ARRB1: variants seen among roughly 807,000 people sequenced by gnomAD.
ARRB1 encodes the protein beta-arrestin-1.
In ARRB1, 21 loss-of-function variants were observed where a neutral mutation model predicts 56.8. The observed-to-expected ratio is 0.37, with a 90% CI of 0.26 to 0.53. The LOEUF is 0.53. Among genes scored for constraint, ARRB1 ranks in the 20% least tolerant of loss-of-function variants. The pLI, the probability that ARRB1 is intolerant of heterozygous loss-of-function variation, is 0.88. For synonymous variants in ARRB1, 210 were observed against 218.6 expected (o/e 0.96, Z 0.35); for missense variants, 424 against 553.7 (o/e 0.77, Z 2.35).
intron 1 of ARRB1, among the ~76,000 whole-genome samples, chr11:75,302,121 C>T (rs1023441886): frequency 1.3e-5 from 2 of 152,170 alleles, no homozygotes; most frequent in Admixed American, 6.5e-5. Flanking sequence ...CTGTCACATC[C>T]CTGCTCAAAT....
rs1289070106 is a variant in ARRB1, at chr11:75,351,595, C to T, written c.13G>A (p.Gly5Arg). 39 of 1,468,532 alleles carry T rather than the reference C, an allele frequency of 2.7e-5. No homozygotes were observed. Among genetic ancestry groups the T allele is most frequent in the Non-Finnish European group, 3.5e-5 (39 of 1,114,804 alleles). The allele number at this position is 1,468,532 out of a possible 1,614,324, so 91.0% of individuals were successfully genotyped here. The stretch of plus-strand genomic sequence containing the variant: ...CGGCCGCCCTGCACTCACCGGGTCC[C>T]TTTGTCGCCCATGGTCCGCGACGGT... MGDKGTRVFKKASPN... is the reference protein window; with the variant it reads MGDKRTRVFKKASPN... Residue 5 changes from glycine to arginine, a missense_variant, in exon 1 of 16, where the codon GGG becomes AGG. Gly to Arg is a moderately radical substitution (Grantham distance 125). Around this residue, in one of 3 missense-constraint regions of ARRB1, gnomAD observed 301 missense variants for 387.9 expected, o/e 0.78. Transcript: ENST00000420843.
At chr11:75,281,697 G>A (rs1946346246) in intron 6 of ARRB1, 1 of 496,792 alleles carries the variant, frequency 2.0e-6, no homozygotes, top group Non-Finnish European at 3.6e-6. Flanking sequence ...TAGGTCCTCA[G>A]AACACTTTGG....
At chr11:75,271,752 G>A (rs1161581218) in intron 12 of ARRB1, 28 bp from the exon 13 acceptor site, 1 of 1,565,674 alleles carries the variant, frequency 6.4e-7, no homozygotes, top group Admixed American at 1.9e-5. Flanking sequence ...GGCAGGAGAA[G>A]TGGTCAGGAG....
intron 1 of ARRB1, among the ~76,000 whole-genome samples, chr11:75,302,688 T>C (rs1946932188): frequency 6.6e-6 from 1 of 152,186 alleles, no homozygotes; most frequent in Non-Finnish European, 1.5e-5. Flanking sequence ...AGAATGGGGA[T>C]AATATCCACC....
At chr11:75,288,760 C>T (rs575447826) in intron 2 of ARRB1, among the ~76,000 whole-genome samples, 1 of 152,204 alleles carries the variant, frequency 6.6e-6, no homozygotes, top group East Asian at 1.9e-4. Context: ...GAACTACAGG[C>T]ATGCACCACC....
Position 75,351,327 on chromosome 11 carries a change from G to A in ARRB1, c.20+261C>T, listed in dbSNP as rs556425897. Among the ~76,000 whole-genome samples, 6 of 152,310 alleles carry A rather than the reference G, an allele frequency of 3.9e-5. No individual in the cohort carries two copies. The South Asian group carries it at 1.0e-3, about 26-fold the overall frequency. ...GCCCCCGTGCGTCTCTGCGGCTGCCGGCCAATGCTGGGTGTCAGCGAGCTG... is the reference window on the plus strand; with the variant it reads ...GCCCCCGTGCGTCTCTGCGGCTGCCAGCCAATGCTGGGTGTCAGCGAGCTG... On this transcript the variant is annotated intron_variant, in intron 1 of 15. Transcript: ENST00000420843.
intron 1 of ARRB1, among the ~76,000 whole-genome samples, chr11:75,312,633 C>T (rs1238816270): frequency 1.3e-5 from 2 of 152,042 alleles, no homozygotes; most frequent in South Asian, 2.1e-4. Flanking sequence ...TTGTTCAGGG[C>T]CTTGAGATGG....
intron 1 of ARRB1, among the ~76,000 whole-genome samples, chr11:75,338,852 G>A (rs1196577578): frequency 6.6e-6 from 1 of 152,194 alleles, no homozygotes; most frequent in Non-Finnish European, 1.5e-5. Flanking sequence ...GTTTCTCCCA[G>A]TACCCTGGGG....
At position 75,327,599 on chromosome 11, in the gene ARRB1, G is replaced by GT. The variant is rs1554982206; in HGVS notation, c.20+23988dup. 2.9e-3 allele frequency among the ~76,000 whole-genome samples: 423 copies of GT among 146,694 alleles called. 1 individual carries two copies. The highest frequency in any genetic ancestry group is 6.3e-3 in the African/African-American group (255 of 40,182). ...TTGTTTTGTTTTGTTTTTTGTTTTT[G>GT]TTTTTTTTTTTTGAGTCTTGCTCTT... On this transcript the variant is annotated intron_variant, in intron 1 of 15. Transcript: ENST00000420843.
intron 1 of ARRB1, among the ~76,000 whole-genome samples, chr11:75,312,592 A>G (rs1413957249): frequency 6.6e-6 from 1 of 152,104 alleles, no homozygotes; most frequent in African/African-American, 2.4e-5. Context: ...GTGTTGGGTC[A>G]TGTGGTAGAA....
In ARRB1 at chr11:75,268,929, T is replaced by G; in HGVS notation, c.1053A>C (p.Leu351=). 6.2e-7 allele frequency: 1 copy of G among 1,611,230 alleles called. No homozygotes were observed. The highest frequency in any genetic ancestry group is 8.5e-7 in the Non-Finnish European group (1 of 1,179,296). The stretch of plus-strand genomic sequence containing the variant: ...GTTCCTCTTTGGGCTTGGGGTGCAT[T>G]AGGGTGAAGGGCAGTTCCACGGCCA... The part of the protein sequence containing the change: ...SDVAVELPFT[L]MHPKPKEEPP... The change falls in exon 14 of 16, where the codon CTA becomes CTC. Residue 351 remains leucine (L), a synonymous_variant. Transcript: ENST00000420843.
At chr11:75,302,293 C>T (rs989722550) in intron 1 of ARRB1, among the ~76,000 whole-genome samples, 5 of 152,188 alleles carry the variant, frequency 3.3e-5, no homozygotes, top group African/African-American at 7.2e-5. Flanking sequence ...GCCGCATTCA[C>T]GGGTTCACTT....
intron 1 of ARRB1, among the ~76,000 whole-genome samples, chr11:75,308,612 G>A (rs558975844): frequency 2.0e-5 from 3 of 152,136 alleles, no homozygotes; most frequent in African/African-American, 7.2e-5. Flanking sequence ...GGGTGTGATG[G>A]CACACACCTA....
intron 11 of ARRB1, among the ~76,000 whole-genome samples, chr11:75,273,297 G>A (rs896566834): frequency 6.6e-6 from 1 of 151,416 alleles, no homozygotes; most frequent in Non-Finnish European, 1.5e-5. Context: ...GCTTCTCTCA[G>A]CAACCCATGG....
intron 1 of ARRB1, among the ~76,000 whole-genome samples, chr11:75,299,870 C>T (rs961467822): frequency 1.3e-5 from 2 of 151,978 alleles, no homozygotes; most frequent in African/African-American, 4.8e-5. Flanking sequence ...TAAATGAATG[C>T]CCTAAGAGAA....
intron 1 of ARRB1, among the ~76,000 whole-genome samples, chr11:75,293,794 C>T (rs1946662508): frequency 6.6e-6 from 1 of 152,174 alleles, no homozygotes; most frequent in African/African-American, 2.4e-5. Flanking sequence ...AGGCAGGATG[C>T]ATGGGGGCTG....
chr11:75,286,933 A>G (rs868077125), intron 3 of ARRB1, among the ~76,000 whole-genome samples: 2 of 152,044 alleles, frequency 1.3e-5, no homozygotes, highest in Non-Finnish European at 2.9e-5. Flanking sequence ...TACTCACTCT[A>G]TGACCTGGAG....
At chr11:75,313,118 C>A (rs1232557720) in intron 1 of ARRB1, among the ~76,000 whole-genome samples, 1 of 152,084 alleles carries the variant, frequency 6.6e-6, no homozygotes, top group Non-Finnish European at 1.5e-5. Flanking sequence ...TTTGGGAGGC[C>A]AAGGCGGGCA....
chr11:75,303,787 T>A, intron 1 of ARRB1: 1 of 432,728 alleles, frequency 2.3e-6, no homozygotes. Flanking sequence ...CATGTGCATC[T>A]TTCCCTCCCT....
Sources: allele counts gnomAD v4.1 joint callset (sites outside exome capture counted in the v4.1 genomes callset), GRCh38; gene constraint gnomAD v4.1.1; regional missense constraint gnomAD v4.1.1; transcripts MANE v1.5; gene names NCBI Gene and HGNC (gene_info 2026-07-23, HGNC 2026-07-21).